FOCAD: variants seen among roughly 807,000 people sequenced by gnomAD.
The protein encoded by FOCAD is KIAA1797.
FOCAD carries 198 observed loss-of-function variants against 225.6 expected under a neutral mutation model. The observed-to-expected ratio is 0.88, with a 90% confidence interval of 0.78 to 0.99. The LOEUF is 0.99. Among genes scored for constraint, FOCAD ranks in the 50% least tolerant of loss-of-function variants. The pLI is 0.00. For missense variants in FOCAD, 2,713 were observed against 2,123.6 expected (o/e 1.28, Z -5.46); for synonymous variants, 897 against 755.0 (o/e 1.19, Z -3.08).
At chr9:20,715,778 A>G (rs548528694) in intron 2 of FOCAD, among the ~76,000 whole-genome samples, 1 of 152,260 alleles carries the variant, frequency 6.6e-6, no homozygotes, top group East Asian at 1.9e-4. Context: ...AAGAAGACAT[A>G]TCCTACCCCT....
At chr9:20,984,001 C>G (rs1482343717) in intron 39 of FOCAD, among the ~76,000 whole-genome samples, 2 of 152,180 alleles carry the variant, frequency 1.3e-5, no homozygotes, top group East Asian at 3.8e-4. Flanking sequence ...TGCTGTTACT[C>G]GCTTGAGTTT....
At chr9:20,726,836 T>G (rs933720171) in intron 4 of FOCAD, among the ~76,000 whole-genome samples, 1 of 152,184 alleles carries the variant, frequency 6.6e-6, no homozygotes, top group Non-Finnish European at 1.5e-5. Context: ...GCAACTGTAT[T>G]CATATCTTGT....
At chr9:20,829,730 A>G (rs1289002076) in intron 15 of FOCAD, among the ~76,000 whole-genome samples, 1 of 152,128 alleles carries the variant, frequency 6.6e-6, no homozygotes, top group Non-Finnish European at 1.5e-5. Context: ...GAGAGATCAG[A>G]TGAACATATA....
rs780342726 is a variant in FOCAD, at chr9:20,762,830, C to T, written c.495-2039C>T. On this transcript the variant is annotated intron_variant, in intron 6 of 43. Coordinates refer to ENST00000338382, the MANE Select transcript of FOCAD (RefSeq NM_001375567.1). The stretch of plus-strand genomic sequence containing the variant: ...TCAGCCCTTGCCCCTCCTTCCCACC[C>T]TCTGTTTGGAGTCCCTTGTGTCTGT... Among the ~76,000 whole-genome samples the T allele has an allele frequency of 5.3e-5, 8 of 152,274 alleles. No homozygotes were observed. In the East Asian group the frequency reaches 1.2e-3, roughly 22 times the overall value.
At chr9:20,735,784 G>C (rs1827109893) in intron 4 of FOCAD, among the ~76,000 whole-genome samples, 1 of 150,064 alleles carries the variant, frequency 6.7e-6, no homozygotes, top group Admixed American at 6.7e-5. Context: ...CCAGCCACCA[G>C]AGTAGCTGGG....
chr9:20,976,655 G>C, intron 36 of FOCAD, 107 bp downstream of exon 36: 12 of 1,209,204 alleles, frequency 9.9e-6, no homozygotes, highest in Non-Finnish European at 1.4e-5. Flanking sequence ...AGACTTTTCA[G>C]ATCTTGAGGT....
chr9:20,723,254 G>A (rs563096683), intron 4 of FOCAD, among the ~76,000 whole-genome samples: 9 of 152,224 alleles, frequency 5.9e-5, no homozygotes, highest in Non-Finnish European at 1.2e-4. Context: ...TCGGCAGGCC[G>A]AGGCAGGCGA....
intron 21 of FOCAD, among the ~76,000 whole-genome samples, chr9:20,900,650 A>T (rs1182237362): frequency 6.6e-6 from 1 of 151,946 alleles, no homozygotes; most frequent in African/African-American, 2.4e-5. Context: ...TGTGAATAAT[A>T]ATGGGGAGAA....
At chr9:20,939,459 G>A (rs571774770) in intron 28 of FOCAD, among the ~76,000 whole-genome samples, 3 of 152,142 alleles carry the variant, frequency 2.0e-5, no homozygotes, top group South Asian at 2.1e-4. Flanking sequence ...TTAAGATGCC[G>A]CCAACTTTAG....
intron 21 of FOCAD, among the ~76,000 whole-genome samples, chr9:20,894,180 TTC>T (rs1243083714): frequency 6.6e-6 from 1 of 152,128 alleles, no homozygotes; most frequent in Non-Finnish European, 1.5e-5. Flanking sequence ...GGCATTTGTT[TTC>T]TGCATGTATT....
chr9:20,882,527 G>T (rs748906311), intron 20 of FOCAD, among the ~76,000 whole-genome samples: 6 of 152,054 alleles, frequency 3.9e-5, no homozygotes, highest in African/African-American at 1.4e-4. Context: ...CTAGGAGAAT[G>T]GGCTTGAAAA....
intron 11 of FOCAD, among the ~76,000 whole-genome samples, chr9:20,807,862 C>A (rs760004348): frequency 6.6e-6 from 1 of 151,948 alleles, no homozygotes. Flanking sequence ...CCAGCCTGGC[C>A]GACACAGTGA....
chr9:20,760,725 T>C (rs1829515458), intron 6 of FOCAD, among the ~76,000 whole-genome samples: 1 of 152,212 alleles, frequency 6.6e-6, no homozygotes, highest in African/African-American at 2.4e-5. Flanking sequence ...TACTCTCCTG[T>C]ATTAACTGTG....
At chr9:20,905,747 T>C (rs1274790425) in intron 21 of FOCAD, among the ~76,000 whole-genome samples, 1 of 151,950 alleles carries the variant, frequency 6.6e-6, no homozygotes. Flanking sequence ...TAGGTTGTAG[T>C]TTGCCACCTG....
At chr9:20,929,328 A>T (rs1487308564) in intron 26 of FOCAD, 30 bp from the exon 27 acceptor site, 1 of 1,576,176 alleles carries the variant, frequency 6.3e-7, no homozygotes, top group South Asian at 1.1e-5. Context: ...TTTAAGGCTA[A>T]CCCTGTTTTC....
At chr9:20,964,509 G>A (rs1289618402) in intron 35 of FOCAD, among the ~76,000 whole-genome samples, 2 of 152,142 alleles carry the variant, frequency 1.3e-5, no homozygotes, top group Non-Finnish European at 2.9e-5. Context: ...TGGTAGCATA[G>A]CACAGAAGAG....
At chr9:20,948,009 T>C (rs563184309) in intron 30 of FOCAD, among the ~76,000 whole-genome samples, 3 of 152,130 alleles carry the variant, frequency 2.0e-5, no homozygotes, top group Non-Finnish European at 4.4e-5. Flanking sequence ...TGCTCAATAG[T>C]GCAGTATTAC....
intron 11 of FOCAD, among the ~76,000 whole-genome samples, chr9:20,791,340 C>T (rs1820518682): frequency 6.6e-6 from 1 of 151,902 alleles, no homozygotes; most frequent in Admixed American, 6.6e-5. Flanking sequence ...GTTTTTTCCC[C>T]TTTATTTTTA....
At chr9:20,790,706 G>C (rs771401613) in intron 11 of FOCAD, among the ~76,000 whole-genome samples, 27 of 152,168 alleles carry the variant, frequency 1.8e-4, no homozygotes, top group Non-Finnish European at 1.2e-4. Context: ...AGGAGGTGGA[G>C]GTTGCAGTGA....
Sources: allele counts gnomAD v4.1 joint callset (sites outside exome capture counted in the v4.1 genomes callset), GRCh38; gene constraint gnomAD v4.1.1; transcripts MANE v1.5; gene names NCBI Gene and HGNC (gene_info 2026-07-23, HGNC 2026-07-21).